Variants in VWDE observed in about 807,000 individuals in gnomAD.
VWDE encodes von Willebrand factor D and EGF domain-containing protein.
In VWDE, 207 loss-of-function variants were observed where a neutral mutation model predicts 178.4. The ratio of observed to expected loss-of-function variants is 1.16; its 90% CI spans 1.04 to 1.30. The LOEUF (loss-of-function observed/expected upper bound fraction) is 1.30, where lower values mean the gene tolerates loss of function less well. VWDE is among the 50% of genes most tolerant of loss of function. The pLI, the probability that VWDE is intolerant of heterozygous loss-of-function variation, is 0.00. For synonymous variants in VWDE, 738 were observed against 651.4 expected (o/e 1.13, Z -2.02); for missense variants, 2,287 against 1,901.3 (o/e 1.20, Z -3.77).
chr7:12,390,610 A>G (rs1784341581), intron 2 of VWDE, among the ~76,000 whole-genome samples: 1 of 151,664 alleles, frequency 6.6e-6, no homozygotes, highest in Non-Finnish European at 1.5e-5. Context: ...ATATTGTGTT[A>G]TATTTATGTA....
chr7:12,333,431 C>G (rs1446348184), intron 28 of VWDE, 34 bp downstream of exon 28: 4 of 1,313,220 alleles, frequency 3.0e-6, no homozygotes, highest in Non-Finnish European at 4.3e-6. Flanking sequence ...ATGTCAATGT[C>G]TAATATTTAT....
At chr7:12,392,374 ACTTAGTCTCATTC>A (rs1456893730) in intron 2 of VWDE, among the ~76,000 whole-genome samples, 1 of 152,232 alleles carries the variant, frequency 6.6e-6, no homozygotes, top group Non-Finnish European at 1.5e-5. Context: ...ACAGATTTAG[ACTTAGTCTCATTC>A]CTTAGATCAT....
intron 27 of VWDE, among the ~76,000 whole-genome samples, chr7:12,335,500 G>T (rs539218735): frequency 6.6e-6 from 1 of 151,790 alleles, no homozygotes; most frequent in Non-Finnish European, 1.5e-5. Flanking sequence ...CTGTCGCCCA[G>T]GCCGGAGTGC....
At chr7:12,393,032 A>G (rs1465525829) in intron 2 of VWDE, among the ~76,000 whole-genome samples, 1 of 152,124 alleles carries the variant, frequency 6.6e-6, no homozygotes, top group African/African-American at 2.4e-5. Context: ...CTGTCTTTCA[A>G]TTGTGATCAG....
chr7:12,393,697 T>A lies in VWDE; in HGVS notation c.140A>T (p.Gln47Leu), dbSNP rs956300075. ...ACATATTAGGTCTTGAACAGCTGACTGCTGGAGGTGCCATGAGTCAAAACG... is the reference window on the plus strand; with the variant it reads ...ACATATTAGGTCTTGAACAGCTGACAGCTGGAGGTGCCATGAGTCAAAACG... ...SVRFDSWHLQQSAVQDLICDH... is the reference protein window; with the variant it reads ...SVRFDSWHLQLSAVQDLICDH... Residue 47 changes from glutamine (Q) to leucine (L), a missense_variant, in exon 2 of 29, where the codon CAG becomes CTG. By Grantham distance (113) the Gln-to-Leu change is moderately radical. Transcript: ENST00000275358. The A allele has an allele frequency of 6.4e-7, 1 of 1,551,308 alleles. No homozygotes were observed. The highest frequency in any genetic ancestry group is 2.0e-5 in the Admixed American group (1 of 50,984).
rs111356885 is a variant in VWDE at position 12,380,054 on chromosome 7, A to T, written c.789+432T>A. On this transcript the variant is annotated intron_variant, in intron 5 of 28. Transcript: ENST00000275358. ...CGGAGGTTGCAGTGAGCAACCTCCG[A>T]GATCGCGCCACTGCACTCCAGCCTG... is the stretch of plus-strand genomic sequence containing the variant. Among the ~76,000 whole-genome samples, 1,073 of 151,840 alleles carry T rather than the reference A, an allele frequency of 7.1e-3. 13 individuals are homozygous for T. The highest frequency in any genetic ancestry group is 0.024 in the African/African-American group (987 of 41,446).
chr7:12,403,649 C>A lies in VWDE; in HGVS notation c.58+10G>T. On this transcript the variant is annotated intron_variant, in intron 1 of 28. Coordinates refer to ENST00000275358, the MANE Select transcript of VWDE (RefSeq NM_001135924.3). ...TGCGCGCCCACCCCCGCGCGCCCTA[C>A]CTCGCTTACCTTCCCCCCAGGCCAG... is the stretch of plus-strand genomic sequence containing the variant. 6.5e-7 allele frequency: 1 copy of A among 1,540,780 alleles called. No homozygotes were observed. Among genetic ancestry groups the A allele is most frequent in the Non-Finnish European group, 8.7e-7 (1 of 1,144,950 alleles).
At position 12,379,946 on chromosome 7, in the gene VWDE, G is replaced by T. The variant is rs1220290400; in HGVS notation, c.790-380C>A. 5.3e-5 allele frequency among the ~76,000 whole-genome samples: 8 copies of T among 151,880 alleles called. No individual in the cohort carries two copies. The East Asian group carries it at 1.6e-3, about 30-fold the overall frequency. The stretch of plus-strand genomic sequence containing the variant: ...GTCTCTACTGAAAATACAAAAATTA[G>T]CTGCGTGTGGGTGTGGTGGCGGGCG... On this transcript the variant is annotated intron_variant, in intron 5 of 28. Transcript: ENST00000275358.
rs528322860 is a variant in VWDE at position 12,359,629 on chromosome 7, A to G, written c.3223T>C (p.Cys1075Arg). 2 of 1,550,624 alleles carry G rather than the reference A, an allele frequency of 1.3e-6. No homozygotes were observed. Among genetic ancestry groups the G allele is most frequent in the Non-Finnish European group, 1.7e-6 (2 of 1,146,370 alleles). The change falls in exon 16 of 29, where the codon TGT becomes CGT. Residue 1075 changes from cysteine (C) to arginine (R), a missense_variant. Transcript: ENST00000275358. ...GAAATTTTGGGTCTACAAATCAAAC[A>G]AGGGCTGGTTGGATTTTTGTCTCCT... Reference protein sequence around the residue: ...VEGDKNPTSPCLICRPKISRF... With the variant: ...VEGDKNPTSPRLICRPKISRF...
chr7:12,359,657 A>C lies in VWDE; in HGVS notation c.3195T>G (p.Val1065=). 6.5e-7 allele frequency: 1 copy of C among 1,550,210 alleles called. No homozygotes were observed. Among genetic ancestry groups the C allele is most frequent in the East Asian group, 2.5e-5 (1 of 40,778 alleles). The change falls in exon 16 of 29, where the codon GTT becomes GTG. Residue 1065 remains valine (V), a synonymous_variant. Transcript: ENST00000275358. ...NVCIIDGLCY[V]EGDKNPTSPC... ...GGCTGGTTGGATTTTTGTCTCCTTC[A>C]ACATAGCAGAGTCCATCAATAATGC... is the stretch of plus-strand genomic sequence containing the variant.
Position 12,377,772 on chromosome 7 carries a change from T to C in VWDE, c.1024+4A>G. On this transcript the variant is annotated splice_donor_region_variant and intron_variant, in intron 7 of 28. Coordinates refer to ENST00000275358, the MANE Select transcript of VWDE (RefSeq NM_001135924.3). Reference sequence around the variant, plus strand: ...AATAAGATAAAATAAAGTTAGTATATTACCTTGACCAATAGTTTTCAGTTT... The same window carrying C: ...AATAAGATAAAATAAAGTTAGTATACTACCTTGACCAATAGTTTTCAGTTT... 2.1e-6 allele frequency: 3 copies of C among 1,461,166 alleles called. No homozygotes were observed. The highest frequency in any genetic ancestry group is 1.4e-5 in the South Asian group (1 of 71,506). 90.5% of individuals were successfully genotyped at this position (1,461,166 alleles called of 1,614,324 possible).
In VWDE at chr7:12,331,091, T is replaced by C; in HGVS notation, c.*92A>G. ...TCTTTAAGATATTTTTTGAATGATG[T>C]TCAAATAAACTCCAAGTTATCTCCA... On this transcript the variant is annotated 3_prime_UTR_variant, in exon 29 of 29. Transcript: ENST00000275358. The C allele has an allele frequency of 1.0e-6, 1 of 999,374 alleles. No homozygotes were observed. Among genetic ancestry groups the C allele is most frequent in the African/African-American group, 1.7e-5 (1 of 59,474 alleles). The allele number at this position is 999,374 out of a possible 1,614,324, so 61.9% of individuals were successfully genotyped here. A position where few individuals can be genotyped will look rare whatever the true frequency, so the allele number is the denominator to read the frequency against.
chr7:12,397,742 G>C (rs922010517), intron 1 of VWDE, among the ~76,000 whole-genome samples: 1 of 152,112 alleles, frequency 6.6e-6, no homozygotes, highest in African/African-American at 2.4e-5. Context: ...CCATTGAAAA[G>C]TGGGCAAAAG....
chr7:12,342,223 G>T, intron 22 of VWDE, 69 bp from the exon 23 acceptor site: 1 of 1,257,424 alleles, frequency 8.0e-7, no homozygotes, highest in Non-Finnish European at 1.1e-6. Flanking sequence ...TTATTATCTA[G>T]CTAGCTCATA....
Position 12,336,968 on chromosome 7 carries a change from TTTAAGA to T in VWDE, c.4558+14_4558+19del. On this transcript the variant is annotated intron_variant, in intron 26 of 28. Coordinates refer to ENST00000275358, the MANE Select transcript of VWDE (RefSeq NM_001135924.3). ...CCATGAAGGACGAAAGCTTCAGTGT[TTTAAGA>T]GTATTCCTCTTACGTGTGTTGCATC... The T allele has an allele frequency of 6.5e-7, 1 of 1,533,704 alleles. No homozygotes were observed. Among genetic ancestry groups the T allele is most frequent in the Non-Finnish European group, 8.8e-7 (1 of 1,135,000 alleles).
chr7:12,335,054 A>G (rs1583267250), intron 27 of VWDE, among the ~76,000 whole-genome samples: 3 of 152,150 alleles, frequency 2.0e-5, no homozygotes, highest in South Asian at 4.1e-4. Context: ...CTACATGCAA[A>G]ATTTCTGATG....
intron 1 of VWDE, among the ~76,000 whole-genome samples, chr7:12,396,353 A>G (rs1254445688): frequency 6.7e-6 from 1 of 149,096 alleles, no homozygotes. Flanking sequence ...TAAGAGATAA[A>G]CATGCATAAC....
intron 2 of VWDE, among the ~76,000 whole-genome samples, chr7:12,392,999 G>A (rs2128562349): frequency 6.6e-6 from 1 of 152,262 alleles, no homozygotes; most frequent in South Asian, 2.1e-4. Context: ...TGCCTCCAGA[G>A]TATTGAATGT....
At chr7:12,344,100 T>C in intron 21 of VWDE, 95 bp downstream of exon 21, 2 of 933,182 alleles carry the variant, frequency 2.1e-6, no homozygotes, top group Non-Finnish European at 3.3e-6. Flanking sequence ...TTTTAATATA[T>C]ACACAGTAAA....
Sources: allele counts gnomAD v4.1 joint callset (sites outside exome capture counted in the v4.1 genomes callset), GRCh38; gene constraint gnomAD v4.1.1; transcripts MANE v1.5; gene names NCBI Gene and HGNC (gene_info 2026-07-23, HGNC 2026-07-21).